FRMD4A: variants seen among roughly 807,000 people sequenced by gnomAD.
FRMD4A encodes FERM domain containing 4A.
A neutral mutation model predicts 129.1 loss-of-function variants in FRMD4A; 29 were observed. That is an observed-to-expected ratio of 0.22 (90% confidence interval 0.17 to 0.31). The LOEUF (loss-of-function observed/expected upper bound fraction) is 0.31. FRMD4A is among the 10% of genes least tolerant of loss of function. The probability of loss-of-function intolerance (pLI) is 1.00; values close to 1 mark genes in which losing one functional copy is unlikely to be tolerated. For synonymous variants in FRMD4A, 634 were observed against 571.6 expected (o/e 1.11, Z -1.56); for missense variants, 1,272 against 1,375.8 (o/e 0.92, Z 1.19).
At chr10:14,003,881 C>T (rs74891174) in intron 2 of FRMD4A, among the ~76,000 whole-genome samples, 8 of 152,346 alleles carry the variant, frequency 5.3e-5, no homozygotes, top group East Asian at 1.9e-4. Context: ...CCAAGGCAAA[C>T]GCCCAGGAAA....
In FRMD4A at chr10:14,049,510, C is replaced by T. The variant is rs1834156730; in HGVS notation, c.46-190598G>A. Among the ~76,000 whole-genome samples the T allele has an allele frequency of 4.6e-5, 7 of 152,310 alleles. No homozygotes were observed. The South Asian group carries it at 1.5e-3, about 32-fold the overall frequency. On this transcript the variant is annotated intron_variant, in intron 2 of 24. Coordinates refer to ENST00000357447, the MANE Select transcript of FRMD4A (RefSeq NM_018027.5). Reference sequence around the variant, plus strand: ...AGAGGTCAGCCCAACTGTGTCCTTCCATAGCTGCATAATTCATAATGTCGT... The same window carrying T: ...AGAGGTCAGCCCAACTGTGTCCTTCTATAGCTGCATAATTCATAATGTCGT...
chr10:14,165,143 A>G (rs1216425173), intron 2 of FRMD4A, among the ~76,000 whole-genome samples: 2 of 152,242 alleles, frequency 1.3e-5, no homozygotes, highest in African/African-American at 4.8e-5. Context: ...GAATCCATAA[A>G]GGACTTAAAT....
intron 2 of FRMD4A, among the ~76,000 whole-genome samples, chr10:13,885,594 G>C (rs2094609737): frequency 6.6e-6 from 1 of 152,190 alleles, no homozygotes; most frequent in Admixed American, 6.5e-5. Flanking sequence ...TAAAATGTTT[G>C]ATTGGCTGGA....
intron 2 of FRMD4A, chr10:13,891,846 C>T (rs935976926): frequency 2.3e-5 from 14 of 617,156 alleles, no homozygotes; most frequent in African/African-American, 4.0e-5. Context: ...GAGCCTGGCC[C>T]GGCGCCAGTG....
At chr10:14,219,229 T>G (rs1264571219) in intron 2 of FRMD4A, among the ~76,000 whole-genome samples, 4 of 152,152 alleles carry the variant, frequency 2.6e-5, no homozygotes, top group Non-Finnish European at 5.9e-5. Flanking sequence ...GTTCCCTTTG[T>G]GACCACAGGC....
intron 3 of FRMD4A, among the ~76,000 whole-genome samples, chr10:13,838,412 T>C (rs1302115125): frequency 6.6e-6 from 1 of 150,902 alleles, no homozygotes; most frequent in Non-Finnish European, 1.5e-5. Context: ...CCATTTATGA[T>C]CTCCTTTTGT....
chr10:13,644,416 A>G lies in FRMD4A; in HGVS notation c.*2622T>C, dbSNP rs2080989190. 6.6e-6 allele frequency: 1 copy of G among 152,238 alleles called. No individual in the cohort carries two copies. Among genetic ancestry groups the G allele is most frequent in the Admixed American group, 6.5e-5 (1 of 15,276 alleles). 9.4% of individuals were successfully genotyped at this position (152,238 alleles called of 1,614,324 possible). ...GACTAACGTTTTATGTACATTTTGT[A>G]TTAACTGAACTCAGCTAAACAGTAA... On this transcript the variant is annotated 3_prime_UTR_variant, in exon 25 of 25. Coordinates refer to ENST00000357447, the MANE Select transcript of FRMD4A (RefSeq NM_018027.5).
chr10:13,926,792 G>A (rs922882953), intron 2 of FRMD4A, among the ~76,000 whole-genome samples: 6 of 152,290 alleles, frequency 3.9e-5, no homozygotes, highest in Admixed American at 2.0e-4. Context: ...GAGCCAAGAC[G>A]CCTAAAAGAC....
intron 12 of FRMD4A, among the ~76,000 whole-genome samples, chr10:13,726,868 A>G (rs2135001141): frequency 6.6e-6 from 1 of 152,148 alleles, no homozygotes; most frequent in East Asian, 1.9e-4. Flanking sequence ...TGCTGGGATG[A>G]CAGGTGTGAG....
In FRMD4A at chr10:14,093,058, G is replaced by A. The variant is rs1014713642; in HGVS notation, c.46-234146C>T. ...ACTTCTGCTAAGGATCCAAGGCCAAGGCCAGGGTAGGGGGCACGGACGGGG... is the reference window on the plus strand; with the variant it reads ...ACTTCTGCTAAGGATCCAAGGCCAAAGCCAGGGTAGGGGGCACGGACGGGG... On this transcript the variant is annotated intron_variant, in intron 2 of 24. Coordinates refer to ENST00000357447, the MANE Select transcript of FRMD4A (RefSeq NM_018027.5). Among the ~76,000 whole-genome samples, 6 of 152,322 alleles carry A rather than the reference G, an allele frequency of 3.9e-5. No homozygotes were observed. In the South Asian group the frequency reaches 1.0e-3, roughly 26 times the overall value.
intron 2 of FRMD4A, among the ~76,000 whole-genome samples, chr10:14,136,504 A>T (rs956819272): frequency 6.6e-6 from 1 of 152,018 alleles, no homozygotes; most frequent in Non-Finnish European, 1.5e-5. Flanking sequence ...AAAAATGCAG[A>T]TTTACTGAGC....
In FRMD4A at chr10:14,054,088, C is replaced by T. The variant is rs188601516; in HGVS notation, c.46-195176G>A. Among the ~76,000 whole-genome samples, 429 of 152,056 alleles carry T rather than the reference C, an allele frequency of 2.8e-3. 5 individuals are homozygous for T. Among genetic ancestry groups the T allele is most frequent in the African/African-American group, 9.9e-3 (410 of 41,456 alleles). ...GGTGAGGTGGGATGATTTCTTGAGC[C>T]AAGGAATTTGAGGCTGCAGTGAGCT... On this transcript the variant is annotated intron_variant, in intron 2 of 24. Transcript: ENST00000357447.
chr10:14,250,029 G>A lies in FRMD4A; in HGVS notation c.45+80029C>T, dbSNP rs980594890. Among the ~76,000 whole-genome samples, 12 of 151,526 alleles carry A rather than the reference G, an allele frequency of 7.9e-5. No homozygotes were observed. The East Asian group carries it at 1.8e-3, about 22-fold the overall frequency. ...TCGTTGCCCAGGCTGGTGTGATCTC[G>A]GCTCACTGCAACCTCCACCTCCCGG... On this transcript the variant is annotated intron_variant, in intron 2 of 24. Coordinates refer to ENST00000357447, the MANE Select transcript of FRMD4A (RefSeq NM_018027.5).
intron 2 of FRMD4A, among the ~76,000 whole-genome samples, chr10:14,154,562 C>T (rs186170386): frequency 1.7e-3 from 264 of 152,192 alleles, no homozygotes; most frequent in Middle Eastern, 0.014. Context: ...AGAGTTCTTA[C>T]GTAACTAGAA....
intron 2 of FRMD4A, among the ~76,000 whole-genome samples, chr10:14,054,323 TC>T (rs1834404887): frequency 6.6e-6 from 1 of 152,058 alleles, no homozygotes; most frequent in Non-Finnish European, 1.5e-5. Flanking sequence ...AGAGGTCACC[TC>T]CCCTGCCCCA....
chr10:14,185,547 T>C (rs780716646), intron 2 of FRMD4A, among the ~76,000 whole-genome samples: 55 of 152,272 alleles, frequency 3.6e-4, no homozygotes, highest in East Asian at 9.6e-4. Flanking sequence ...ACTTGAAACA[T>C]AAAGCAAGAC....
chr10:13,981,858 GGGATCCA>G (rs2095562720), intron 2 of FRMD4A, among the ~76,000 whole-genome samples: 1 of 152,116 alleles, frequency 6.6e-6, no homozygotes, highest in South Asian at 2.1e-4. Flanking sequence ...GCTCCCAGTG[GGGATCCA>G]GTGACCTGCA....
At chr10:14,313,028 T>A (rs1846610412) in intron 2 of FRMD4A, among the ~76,000 whole-genome samples, 1 of 151,950 alleles carries the variant, frequency 6.6e-6, no homozygotes, top group Admixed American at 6.6e-5. Flanking sequence ...ACCCTTTGTA[T>A]TTTTTTTAAA....
At chr10:14,105,530 T>A (rs1332984450) in intron 2 of FRMD4A, among the ~76,000 whole-genome samples, 1 of 152,256 alleles carries the variant, frequency 6.6e-6, no homozygotes, top group Non-Finnish European at 1.5e-5. Context: ...TTGTCACTTA[T>A]AACATTGTAG....
Sources: allele counts gnomAD v4.1 joint callset (sites outside exome capture counted in the v4.1 genomes callset), GRCh38; gene constraint gnomAD v4.1.1; transcripts MANE v1.5; gene names NCBI Gene and HGNC (gene_info 2026-07-23, HGNC 2026-07-21).